ATXN7L1: variants seen among roughly 807,000 people sequenced by gnomAD.
ATXN7L1 encodes the protein ataxin-7-like protein 1.
ATXN7L1 carries 15 observed loss-of-function variants against 70.8 expected under a neutral mutation model. That is an observed-to-expected ratio of 0.21 (90% CI 0.14 to 0.33). The LOEUF (loss-of-function observed/expected upper bound fraction) is 0.33, where lower values mean the gene tolerates loss of function less well. ATXN7L1 is among the 10% of genes least tolerant of loss of function. The pLI is 1.00. For missense variants in ATXN7L1, 975 were observed against 1,097.1 expected (o/e 0.89, Z 1.57); for synonymous variants, 440 against 445.1 (o/e 0.99, Z 0.14).
chr7:105,680,684 T>C (rs1221977673), intron 3 of ATXN7L1, among the ~76,000 whole-genome samples: 1 of 152,188 alleles, frequency 6.6e-6, no homozygotes, highest in African/African-American at 2.4e-5. Flanking sequence ...CAAGGGCCCC[T>C]GGGCACATTC....
At chr7:105,828,391 T>C (rs1393276277) in intron 2 of ATXN7L1, among the ~76,000 whole-genome samples, 1 of 151,786 alleles carries the variant, frequency 6.6e-6, no homozygotes, top group Non-Finnish European at 1.5e-5. Flanking sequence ...AGGCGTGGAG[T>C]TGTCCATAGA....
At position 105,724,156 on chromosome 7, in the gene ATXN7L1, G is replaced by A. The variant is rs1289982126; in HGVS notation, c.356-58868C>T. 2.0e-5 allele frequency among the ~76,000 whole-genome samples: 3 copies of A among 152,164 alleles called. No individual in the cohort carries two copies. The East Asian group carries it at 5.8e-4, about 29-fold the overall frequency. On this transcript the variant is annotated intron_variant, in intron 3 of 11. Coordinates refer to ENST00000419735, the MANE Select transcript of ATXN7L1 (RefSeq NM_020725.2). ...GGAGGCCAGACTCTGAAATCATGGTGTTGGCAGGATTGGTTCCTTCTGGGG... is the reference window on the plus strand; with the variant it reads ...GGAGGCCAGACTCTGAAATCATGGTATTGGCAGGATTGGTTCCTTCTGGGG...
At chr7:105,839,993 G>A (rs1390341887) in intron 2 of ATXN7L1, among the ~76,000 whole-genome samples, 2 of 152,336 alleles carry the variant, frequency 1.3e-5, no homozygotes, top group East Asian at 3.9e-4. Flanking sequence ...TTTGAACTGG[G>A]CCTTCATGGA....
chr7:105,820,238 C>T (rs1809935050), intron 2 of ATXN7L1: 1 of 212,994 alleles, frequency 4.7e-6, no homozygotes. Context: ...GCCTTTCAAA[C>T]TAATATTCAA....
intron 3 of ATXN7L1, among the ~76,000 whole-genome samples, chr7:105,778,701 T>A (rs1432956855): frequency 6.6e-6 from 1 of 152,210 alleles, no homozygotes; most frequent in Non-Finnish European, 1.5e-5. Flanking sequence ...CTACTCTTTG[T>A]GAGTCTCATG....
chr7:105,683,593 T>G (rs1191660333), intron 3 of ATXN7L1, among the ~76,000 whole-genome samples: 2 of 152,256 alleles, frequency 1.3e-5, no homozygotes, highest in African/African-American at 4.8e-5. Flanking sequence ...GCAGAATCGC[T>G]TGAATCAGGA....
At chr7:105,634,950 G>A (rs1194649863) in intron 7 of ATXN7L1, among the ~76,000 whole-genome samples, 1 of 151,928 alleles carries the variant, frequency 6.6e-6, no homozygotes, top group Non-Finnish European at 1.5e-5. Context: ...GGCTTGCAGT[G>A]TGGCAATATC....
chr7:105,732,194 T>G (rs904171508), intron 3 of ATXN7L1, among the ~76,000 whole-genome samples: 11 of 152,062 alleles, frequency 7.2e-5, no homozygotes, highest in Non-Finnish European at 7.4e-5. Context: ...CAGATCACCT[T>G]AGGTCAGGGG....
At chr7:105,666,124 A>T (rs1802578636) in intron 3 of ATXN7L1, among the ~76,000 whole-genome samples, 1 of 152,190 alleles carries the variant, frequency 6.6e-6, no homozygotes, top group Non-Finnish European at 1.5e-5. Flanking sequence ...GGGGTTCTTA[A>T]ATTGTTTTAG....
intron 2 of ATXN7L1, among the ~76,000 whole-genome samples, 186 bp downstream of exon 2, chr7:105,875,626 T>TC (rs146310508): frequency 2.2e-3 from 131 of 59,500 alleles, no homozygotes; most frequent in East Asian, 6.6e-3. Context: ...CACCCCCCTT[T>TC]ACCCCCCCCC....
rs140221178 is a variant in ATXN7L1 at position 105,643,309 on chromosome 7, G to A, written c.579-188C>T. On this transcript the variant is annotated intron_variant, in intron 4 of 11. Coordinates refer to ENST00000419735, the MANE Select transcript of ATXN7L1 (RefSeq NM_020725.2). The stretch of plus-strand genomic sequence containing the variant: ...GTGCCCTGGAAAGGATCAACAGGGG[G>A]TGCGAGGCTGGCACAGTGTCAGGGG... 2.4e-3 allele frequency among the ~76,000 whole-genome samples: 361 copies of A among 152,258 alleles called. 1 individual carries two copies. The highest frequency in any genetic ancestry group is 8.3e-3 in the African/African-American group (346 of 41,536).
At chr7:105,838,532 G>A (rs1048251739) in intron 2 of ATXN7L1, among the ~76,000 whole-genome samples, 1 of 152,178 alleles carries the variant, frequency 6.6e-6, no homozygotes, top group Non-Finnish European at 1.5e-5. Flanking sequence ...TAAGAGGAGT[G>A]GCCTGTGCAG....
chr7:105,612,526 G>C (rs2115722212), intron 10 of ATXN7L1, among the ~76,000 whole-genome samples: 1 of 152,290 alleles, frequency 6.6e-6, no homozygotes, highest in East Asian at 1.9e-4. Context: ...AACTTGAGAG[G>C]CCTTGGCTCT....
chr7:105,636,694 T>A (rs183619613), intron 7 of ATXN7L1, among the ~76,000 whole-genome samples: 4 of 152,106 alleles, frequency 2.6e-5, no homozygotes, highest in Admixed American at 6.5e-5. Flanking sequence ...AGTGCCTCCA[T>A]CAGTCAAAAA....
intron 3 of ATXN7L1, among the ~76,000 whole-genome samples, chr7:105,696,135 A>G (rs1446129921): frequency 6.6e-6 from 1 of 152,208 alleles, no homozygotes; most frequent in African/African-American, 2.4e-5. Context: ...CCCGAAGGTC[A>G]GGGAAGTTGG....
chr7:105,791,139 A>G (rs1363529875), intron 2 of ATXN7L1, among the ~76,000 whole-genome samples: 1 of 152,244 alleles, frequency 6.6e-6, no homozygotes, highest in Admixed American at 6.5e-5. Flanking sequence ...AAGGAAGCCT[A>G]TGATTGAAAG....
intron 2 of ATXN7L1, among the ~76,000 whole-genome samples, chr7:105,856,781 A>G (rs572778285): frequency 7.2e-5 from 11 of 152,134 alleles, no homozygotes; most frequent in Non-Finnish European, 1.5e-4. Flanking sequence ...ATTGGTCAGC[A>G]GCACCCAAAA....
At chr7:105,698,922 T>G (rs200864716) in intron 3 of ATXN7L1, among the ~76,000 whole-genome samples, 1 of 27,962 alleles carries the variant, frequency 3.6e-5, no homozygotes, top group Non-Finnish European at 5.7e-5. Flanking sequence ...ATTAAAAAGA[T>G]ATATATATAT....
chr7:105,707,958 T>C lies in ATXN7L1; in HGVS notation c.356-42670A>G, dbSNP rs559499810. On this transcript the variant is annotated intron_variant, in intron 3 of 11. Coordinates refer to ENST00000419735, the MANE Select transcript of ATXN7L1 (RefSeq NM_020725.2). ...TTTAAATTTATTTTATCTTGTTCTG[T>C]TGTTTGCAACTTTATAAGTGGCCTT... Among the ~76,000 whole-genome samples the C allele has an allele frequency of 5.9e-5, 9 of 152,384 alleles. No individual in the cohort carries two copies. In the South Asian group the frequency reaches 1.9e-3, roughly 32 times the overall value.
Sources: allele counts gnomAD v4.1 joint callset (sites outside exome capture counted in the v4.1 genomes callset), GRCh38; gene constraint gnomAD v4.1.1; transcripts MANE v1.5; gene names NCBI Gene and HGNC (gene_info 2026-07-23, HGNC 2026-07-21).